The following ITGA8 variants were observed in gnomAD, a reference collection of about 807,000 sequenced individuals.
ITGA8 encodes the protein integrin alpha-8.
In ITGA8, 91 loss-of-function variants were observed where a neutral mutation model predicts 142.3. The observed-to-expected ratio is 0.64, with a 90% confidence interval of 0.54 to 0.76. ITGA8 has a LOEUF of 0.76. Ranked by LOEUF, ITGA8 falls within the 30% of genes least tolerant of loss-of-function variation. The pLI, the probability that ITGA8 is intolerant of heterozygous loss-of-function variation, is 0.00. For missense variants in ITGA8, 1,406 were observed against 1,327.7 expected (o/e 1.06, Z -0.92); for synonymous variants, 505 against 485.2 (o/e 1.04, Z -0.54).
At chr10:15,567,128 C>T (rs1201730914) in intron 25 of ITGA8, among the ~76,000 whole-genome samples, 2 of 149,518 alleles carry the variant, frequency 1.3e-5, no homozygotes, top group African/African-American at 4.9e-5. Flanking sequence ...GAACTCTAGA[C>T]TGACTGACAG....
chr10:15,706,887 C>T (rs889192597), intron 2 of ITGA8, among the ~76,000 whole-genome samples: 7 of 152,226 alleles, frequency 4.6e-5, no homozygotes, highest in Non-Finnish European at 7.3e-5. Context: ...ACCTGGCCTT[C>T]TGGCCTAATT....
Position 15,517,117 on chromosome 10 carries a change from G to T in ITGA8, c.*41C>A. The stretch of plus-strand genomic sequence containing the variant: ...CATGTTCTTTCTTTTTCTTTGAACA[G>T]GACCAGTGTTTGAGGTCTTTGGTCT... On this transcript the variant is annotated 3_prime_UTR_variant, in exon 30 of 30. Coordinates refer to ENST00000378076, the MANE Select transcript of ITGA8 (RefSeq NM_003638.3). 1 of 1,405,042 alleles carries T rather than the reference G, an allele frequency of 7.1e-7. No individual in the cohort carries two copies. The highest frequency in any genetic ancestry group is 1.2e-5 in the South Asian group (1 of 84,108). 87.0% of individuals were successfully genotyped at this position (1,405,042 alleles called of 1,614,324 possible). A position where few individuals can be genotyped will look rare whatever the true frequency, so the allele number is the denominator to read the frequency against.
Position 15,684,121 on chromosome 10 carries a change from C to T in ITGA8, c.451G>A (p.Ala151Thr). The T allele has an allele frequency of 6.2e-7, 1 of 1,613,590 alleles. No individual in the cohort carries two copies. The highest frequency in any genetic ancestry group is 8.5e-7 in the Non-Finnish European group (1 of 1,179,858). Residue 151 changes from alanine (A) to threonine (T), a missense_variant, in exon 4 of 30, where the codon GCT becomes ACT. Physicochemically the swap from Ala to Thr is moderately conservative, Grantham distance 58 (BLOSUM62 0). Transcript: ENST00000378076. ...KAHKGKVVAC[A>T]PLYHWRTLKP... The stretch of plus-strand genomic sequence containing the variant: ...AGAGTTCTCCAGTGATATAAAGGAG[C>T]ACAGGCCTAGGAAACATCAAAGACA...
chr10:15,592,158 C>T (rs1832934211), intron 22 of ITGA8, 67 bp downstream of exon 22: 3 of 1,186,114 alleles, frequency 2.5e-6, no homozygotes, highest in African/African-American at 1.5e-5. Flanking sequence ...TGACAGATGA[C>T]ATCATTTCAC....
rs539474518 is a variant in ITGA8 at position 15,622,803 on chromosome 10, A to T, written c.1400-6244T>A. Among the ~76,000 whole-genome samples the T allele has an allele frequency of 1.1e-4, 16 of 152,364 alleles. No individual in the cohort carries two copies. The South Asian group carries it at 3.1e-3, about 30-fold the overall frequency. On this transcript the variant is annotated intron_variant, in intron 13 of 29. Transcript: ENST00000378076. ...TAAAACTATAAACATTCTTAAAAAGATTACAAACAGCCATTTCACATAAAA... is the reference window on the plus strand; with the variant it reads ...TAAAACTATAAACATTCTTAAAAAGTTTACAAACAGCCATTTCACATAAAA...
At chr10:15,530,541 C>A (rs866306299) in intron 28 of ITGA8, among the ~76,000 whole-genome samples, 71 of 75,198 alleles carry the variant, frequency 9.4e-4, no homozygotes, top group East Asian at 4.8e-3. Flanking sequence ...GCGAGACTCT[C>A]AAAAAAAAAA....
rs556599262 is a variant in ITGA8 at position 15,633,265 on chromosome 10, T to C, written c.1399+10765A>G. On this transcript the variant is annotated intron_variant, in intron 13 of 29. Transcript: ENST00000378076. ...GCCTTTTTGAAAAAACTAGGAAGCA[T>C]TTCCTTTAACTTATATATAGAATTT... 2.0e-5 allele frequency among the ~76,000 whole-genome samples: 3 copies of C among 152,248 alleles called. No individual in the cohort carries two copies. The East Asian group carries it at 5.8e-4, about 29-fold the overall frequency.
intron 8 of ITGA8, among the ~76,000 whole-genome samples, chr10:15,667,441 C>G (rs1588710040): frequency 6.6e-6 from 1 of 151,996 alleles, no homozygotes; most frequent in East Asian, 1.9e-4. Context: ...AGTGGTCTAT[C>G]AATTTTGTTG....
chr10:15,662,121 T>G (rs1834298880), intron 8 of ITGA8, among the ~76,000 whole-genome samples: 1 of 152,038 alleles, frequency 6.6e-6, no homozygotes, highest in African/African-American at 2.4e-5. Flanking sequence ...GTCTGCAATC[T>G]CATGTGACCA....
At chr10:15,656,025 C>T (rs1834177565) in intron 10 of ITGA8, among the ~76,000 whole-genome samples, 1 of 152,086 alleles carries the variant, frequency 6.6e-6, no homozygotes, top group South Asian at 2.1e-4. Context: ...GTCAAGGCTG[C>T]AGTGATCTGA....
chr10:15,604,585 A>G (rs1240477387), intron 19 of ITGA8, among the ~76,000 whole-genome samples: 1 of 151,626 alleles, frequency 6.6e-6, no homozygotes, highest in Admixed American at 6.6e-5. Context: ...TCTCAAAAAA[A>G]AAAAAAAAAA....
At chr10:15,654,050 G>A (rs1834138825) in intron 11 of ITGA8, among the ~76,000 whole-genome samples, 1 of 152,004 alleles carries the variant, frequency 6.6e-6, no homozygotes, top group African/African-American at 2.4e-5. Flanking sequence ...TGGTCAGGCT[G>A]GCCTCGACCT....
intron 28 of ITGA8, among the ~76,000 whole-genome samples, chr10:15,528,506 CTTTTTTT>C (rs35960573): frequency 1.6e-5 from 2 of 127,244 alleles, no homozygotes; most frequent in African/African-American, 3.0e-5. Flanking sequence ...GATAAAAAGT[CTTTTTTT>C]TTTTTTTTTT....
intron 25 of ITGA8, among the ~76,000 whole-genome samples, chr10:15,568,115 G>T (rs745839019): frequency 6.6e-6 from 1 of 152,074 alleles, no homozygotes. Flanking sequence ...GTAGAAATGG[G>T]GTCTTGCTAT....
chr10:15,640,930 C>G (rs1833859966), intron 13 of ITGA8, among the ~76,000 whole-genome samples: 1 of 152,202 alleles, frequency 6.6e-6, no homozygotes, highest in Non-Finnish European at 1.5e-5. Flanking sequence ...ACTGAGCTAC[C>G]CTTTAGTCTG....
chr10:15,618,208 T>C (rs1833429232), intron 13 of ITGA8, among the ~76,000 whole-genome samples: 1 of 149,462 alleles, frequency 6.7e-6, no homozygotes, highest in Admixed American at 6.8e-5. Flanking sequence ...CATACACACG[T>C]ATCCCCTGAA....
chr10:15,677,758 T>G (rs1470335943), intron 5 of ITGA8, 121 bp from the exon 6 acceptor site: 3 of 829,392 alleles, frequency 3.6e-6, no homozygotes, highest in Non-Finnish European at 5.6e-6. Flanking sequence ...TAAAAAGCAA[T>G]TTTTAAAAGA....
chr10:15,629,695 G>A (rs1649911474), intron 13 of ITGA8, among the ~76,000 whole-genome samples: 2 of 152,102 alleles, frequency 1.3e-5, no homozygotes, highest in Non-Finnish European at 2.9e-5. Flanking sequence ...GGGAGGCCAA[G>A]GCAGGTGGAT....
At chr10:15,713,192 C>G (rs979387154) in intron 2 of ITGA8, among the ~76,000 whole-genome samples, 1 of 152,144 alleles carries the variant, frequency 6.6e-6, no homozygotes, top group Admixed American at 6.5e-5. Flanking sequence ...TCTGTCATGC[C>G]AACATATCCA....
Sources: allele counts gnomAD v4.1 joint callset (sites outside exome capture counted in the v4.1 genomes callset), GRCh38; gene constraint gnomAD v4.1.1; transcripts MANE v1.5; gene names NCBI Gene and HGNC (gene_info 2026-07-23, HGNC 2026-07-21).